The following TTBK1 variants were observed in gnomAD, a reference collection of about 807,000 sequenced individuals.
TTBK1 encodes tau tubulin kinase 1, also known as tau-tubulin kinase 1.
TTBK1 carries 34 observed loss-of-function variants against 108.5 expected under a neutral mutation model. The observed-to-expected ratio is 0.31, with a 90% CI of 0.24 to 0.42. The LOEUF is 0.42. Ranked by LOEUF, TTBK1 falls within the 10% of genes least tolerant of loss-of-function variation. TTBK1 has a pLI of 1.00. For missense variants in TTBK1, 1,539 were observed against 1,826.0 expected, an observed-to-expected ratio of 0.84 and a Z score of 2.86; for synonymous variants, 809 against 795.1, an observed-to-expected ratio of 1.02 and a Z score of -0.29.
rs768783730 is a variant in TTBK1, at chr6:43,244,154, T to C, written c.-55+446T>C. Among the ~76,000 whole-genome samples, 376 of 152,146 alleles carry C rather than the reference T, an allele frequency of 2.5e-3. 1 individual carries two copies. The highest frequency in any genetic ancestry group is 4.6e-3 in the Non-Finnish European group (312 of 67,976). ...ATCTCTTCCTTGCCTGTCATCATTA[T>C]CTCTCACGGGTCTCTATCCTACCCA... On this transcript the variant is annotated intron_variant, in intron 1 of 14. Transcript: ENST00000259750.
Position 43,274,065 on chromosome 6 carries a change from C to A in TTBK1, c.1987-8662C>A, listed in dbSNP as rs1777900361. The stretch of plus-strand genomic sequence containing the variant: ...GGTGAGTGGGGGCCTCCTGGTGGGA[C>A]TAGTATTTTCTCCATGGGAGAGGGT... On this transcript the variant is annotated intron_variant, in intron 13 of 14. Transcript: ENST00000259750. 2.6e-5 allele frequency among the ~76,000 whole-genome samples: 4 copies of A among 152,208 alleles called. No individual in the cohort carries two copies. The South Asian group carries it at 6.2e-4, about 24-fold the overall frequency.
At chr6:43,246,801 G>T (rs751587257) in intron 2 of TTBK1, 33 bp downstream of exon 2, 1 of 1,566,732 alleles carries the variant, frequency 6.4e-7, no homozygotes, top group South Asian at 1.2e-5. Context: ...CAGAGGGAGG[G>T]TAGCGGGGAG....
chr6:43,271,688 G>A lies in TTBK1; in HGVS notation c.1986+8338G>A, dbSNP rs566108535. ...ACACAGAGGGCCACCATTGTGGTAT[G>A]GCTCATCCACACCATTCACATAAGC... is the stretch of plus-strand genomic sequence containing the variant. On this transcript the variant is annotated intron_variant, in intron 13 of 14. Coordinates refer to ENST00000259750, the MANE Select transcript of TTBK1 (RefSeq NM_032538.3). The A allele has an allele frequency of 3.0e-6, 3 of 985,242 alleles. No individual in the cohort carries two copies. In the African/African-American group the frequency reaches 5.2e-5, roughly 17 times the overall value. The allele number at this position is 985,242 out of a possible 1,614,324, so 61.0% of individuals were successfully genotyped here.
At chr6:43,270,036 A>G in intron 13 of TTBK1, 1 of 1,422,350 alleles carries the variant, frequency 7.0e-7, no homozygotes, top group South Asian at 1.5e-5. Context: ...AGGACGCAAT[A>G]ATCACACACT....
rs371636889 is a variant in TTBK1 at position 43,257,782 on chromosome 6, C to T, written c.862-30C>T. 6 of 1,598,966 alleles carry T rather than the reference C, an allele frequency of 3.8e-6. No individual in the cohort carries two copies. In the African/African-American group the frequency reaches 5.4e-5, roughly 14 times the overall value. ...CCTGGCTAGCCCCCGGATCACCTCT[C>T]TGTCCTCCCATCACCCTCACCCCCT... On this transcript the variant is annotated intron_variant, in intron 9 of 14. Transcript: ENST00000259750. The surrounding 1 kb of genome is among the most constrained non-coding windows in gnomAD (Gnocchi z 4.5).
chr6:43,256,384 C>T (rs980779856), intron 9 of TTBK1, among the ~76,000 whole-genome samples: 3 of 151,960 alleles, frequency 2.0e-5, no homozygotes, highest in African/African-American at 4.8e-5. Context: ...CCACCTGCCT[C>T]GGCCTCCCAA....
chr6:43,285,540 C>T lies in TTBK1; in HGVS notation c.*164C>T, dbSNP rs550149870. On this transcript the variant is annotated 3_prime_UTR_variant, in exon 15 of 15. Transcript: ENST00000259750. This position sits in a 1 kb window ranked among gnomAD's most constrained non-coding sequence, Gnocchi z 4.7. ...CGAGGACGCGCGCGAGCACACGCGG[C>T]GCCCCGCCAGGCCTTAGGGCCCGTG... 250 of 974,114 alleles carry T rather than the reference C, an allele frequency of 2.6e-4. No homozygotes were observed. The African/African-American group carries it at 3.5e-3, about 13-fold the overall frequency. 60.3% of individuals were successfully genotyped at this position (974,114 alleles called of 1,614,324 possible). A position where few individuals can be genotyped will look rare whatever the true frequency, so the allele number is the denominator to read the frequency against.
chr6:43,259,475 C>T lies in TTBK1; in HGVS notation c.1249-56C>T. On this transcript the variant is annotated intron_variant, in intron 11 of 14. Coordinates refer to ENST00000259750, the MANE Select transcript of TTBK1 (RefSeq NM_032538.3). The surrounding 1 kb of genome is among the most constrained non-coding windows in gnomAD (Gnocchi z 6.7). ...TCTGTCTCCTTCACCCTGAGGAGAC[C>T]ATCCGCCCACAGCCGCCTCATCAGC... is the stretch of plus-strand genomic sequence containing the variant. The T allele has an allele frequency of 6.7e-7, 1 of 1,498,370 alleles. No individual in the cohort carries two copies. Among genetic ancestry groups the T allele is most frequent in the Non-Finnish European group, 8.9e-7 (1 of 1,121,740 alleles). The allele number at this position is 1,498,370 out of a possible 1,614,324, so 92.8% of individuals were successfully genotyped here.
At chr6:43,255,466 G>T in intron 7 of TTBK1, 86 bp from the exon 8 acceptor site, 1 of 1,292,192 alleles carries the variant, frequency 7.7e-7, no homozygotes, top group South Asian at 1.3e-5. Context: ...AGGCCTCCCT[G>T]ACAGATGCCC....
intron 13 of TTBK1, among the ~76,000 whole-genome samples, chr6:43,275,676 C>A (rs1777962629): frequency 6.6e-6 from 1 of 151,890 alleles, no homozygotes; most frequent in South Asian, 2.1e-4. Context: ...GAGCCCAGGT[C>A]TCTCAGAGCA....
At chr6:43,249,553 AT>A (rs1489776493) in intron 2 of TTBK1, among the ~76,000 whole-genome samples, 2 of 151,464 alleles carry the variant, frequency 1.3e-5, no homozygotes, top group Non-Finnish European at 2.9e-5. Flanking sequence ...CTAAAGGTTC[AT>A]TTTTTTCCCC....
chr6:43,250,348 CTT>C (rs555371314), intron 2 of TTBK1, among the ~76,000 whole-genome samples: 32 of 89,110 alleles, frequency 3.6e-4, no homozygotes, highest in Middle Eastern at 7.4e-3. Flanking sequence ...CCTGGCTTTG[CTT>C]TTTTTTTTTT....
At chr6:43,278,861 G>A (rs1582516475) in intron 13 of TTBK1, among the ~76,000 whole-genome samples, 1 of 152,346 alleles carries the variant, frequency 6.6e-6, no homozygotes, top group Non-Finnish European at 1.5e-5. Context: ...AGGGCAGAGG[G>A]ACTTTGAAAC....
At chr6:43,268,468 T>A (rs1028367578) in intron 13 of TTBK1, among the ~76,000 whole-genome samples, 1 of 152,182 alleles carries the variant, frequency 6.6e-6, no homozygotes, top group Non-Finnish European at 1.5e-5. Flanking sequence ...TGTGCCCCCA[T>A]GTGACAGCAG....
Position 43,257,486 on chromosome 6 carries a change from G to C in TTBK1, c.862-326G>C, listed in dbSNP as rs949025362. 6.6e-6 allele frequency among the ~76,000 whole-genome samples: 1 copy of C among 152,140 alleles called. No individual in the cohort carries two copies. The highest frequency in any genetic ancestry group is 2.4e-5 in the African/African-American group (1 of 41,430). ...TGCAGAGGCAGCACCCCATGCATGGGTTTGGAAACTCCCAGTGGTTTAGGG... is the reference window on the plus strand; with the variant it reads ...TGCAGAGGCAGCACCCCATGCATGGCTTTGGAAACTCCCAGTGGTTTAGGG... On this transcript the variant is annotated intron_variant, in intron 9 of 14. Coordinates refer to ENST00000259750, the MANE Select transcript of TTBK1 (RefSeq NM_032538.3). The surrounding 1 kb of genome is among the most constrained non-coding windows in gnomAD (Gnocchi z 4.5).
Position 43,257,802 on chromosome 6 carries a change from C to T in TTBK1, c.862-10C>T. ...CCTCTCTGTCCTCCCATCACCCTCA[C>T]CCCCTGCAGTTGATCATGTCAGTGT... On this transcript the variant is annotated splice_polypyrimidine_tract_variant and intron_variant, in intron 9 of 14. Transcript: ENST00000259750. This position sits in a 1 kb window ranked among gnomAD's most constrained non-coding sequence, Gnocchi z 4.5. 2 of 1,611,318 alleles carry T rather than the reference C, an allele frequency of 1.2e-6. No individual in the cohort carries two copies.
Position 43,246,710 on chromosome 6 carries a change from G to A in TTBK1, c.50G>A (p.Gly17Glu), listed in dbSNP as rs1285649132. The change falls in exon 2 of 15, where the codon GGA (glycine) becomes GAA (glutamate). Residue 17 changes from glycine (G) to glutamate (E), a missense_variant. Around this residue, in one of 5 missense-constraint regions of TTBK1, gnomAD observed 45 missense variants for 38.0 expected, o/e 1.19. Transcript: ENST00000259750. ...ALKDETNMSG[G>E]GEQADILPAN... is the part of the protein sequence containing the mutation. ...AAGGACGAAACCAACATGAGTGGGG[G>A]AGGGGAGCAGGCCGACATCCTGCCG... 6.2e-7 allele frequency: 1 copy of A among 1,612,634 alleles called. No individual in the cohort carries two copies. The highest frequency in any genetic ancestry group is 1.1e-5 in the South Asian group (1 of 90,914).
At position 43,282,081 on chromosome 6, in the gene TTBK1, A is replaced by ATGGAT. The variant is rs1337333578; in HGVS notation, c.1987-641_1987-637dup. On this transcript the variant is annotated intron_variant, in intron 13 of 14. Coordinates refer to ENST00000259750, the MANE Select transcript of TTBK1 (RefSeq NM_032538.3). This position sits in a 1 kb window ranked among gnomAD's most constrained non-coding sequence, Gnocchi z 5.4. ...GCTGGACAAATTCCTGGCTGAGAGG[A>ATGGAT]TGGATTGGAGGTCGAGGGGCCCAGC... 1.3e-5 allele frequency among the ~76,000 whole-genome samples: 2 copies of ATGGAT among 152,194 alleles called. No individual in the cohort carries two copies. The highest frequency in any genetic ancestry group is 2.9e-5 in the Non-Finnish European group (2 of 68,022).
At chr6:43,270,678 G>T (rs1777808013) in intron 13 of TTBK1, 2 of 985,464 alleles carry the variant, frequency 2.0e-6, no homozygotes, top group African/African-American at 3.5e-5. Context: ...CTCCCTGGTA[G>T]GATTGGGTGT....
Sources: allele counts gnomAD v4.1 joint callset (sites outside exome capture counted in the v4.1 genomes callset), GRCh38; gene constraint gnomAD v4.1.1; regional missense constraint gnomAD v4.1.1; non-coding constraint Gnocchi (gnomAD v3.1); transcripts MANE v1.5; gene names NCBI Gene and HGNC (gene_info 2026-07-23, HGNC 2026-07-21).